Variants in IDO2 observed in about 807,000 individuals in gnomAD.
IDO2 encodes the protein indoleamine 2,3-dioxygenase-like 1 protein.
Under a neutral mutation model 45.1 loss-of-function variants are expected in IDO2, and 46 were observed. The ratio of observed to expected loss-of-function variants is 1.02; its 90% confidence interval spans 0.80 to 1.30. IDO2 has a LOEUF of 1.30. Ranked by LOEUF, IDO2 falls within the 50% of genes most tolerant of loss-of-function variation. IDO2 has a pLI of 0.00. For missense variants in IDO2, 544 were observed against 491.8 expected (o/e 1.11, Z -1.00); for synonymous variants, 218 against 184.9 (o/e 1.18, Z -1.45).
intron 8 of IDO2, chr8:39,995,141 A>C (rs5029660): frequency 0.56 from 82,559 of 147,656 alleles, 23,296 homozygotes; most frequent in South Asian, 0.59. Flanking sequence ...TATTCTTATT[A>C]TTCTTCTTCT....
intron 4 of IDO2, among the ~76,000 whole-genome samples, 189 bp from the exon 5 acceptor site, chr8:39,982,463 G>A (rs959387988): frequency 6.6e-6 from 1 of 152,070 alleles, no homozygotes; most frequent in African/African-American, 2.4e-5. Flanking sequence ...CTCATAAGCA[G>A]TATTTCCACT....
chr8:39,951,703 A>C (rs1178240660), intron 2 of IDO2, among the ~76,000 whole-genome samples: 2 of 152,190 alleles, frequency 1.3e-5, no homozygotes, highest in Non-Finnish European at 2.9e-5. Context: ...ACTCCACTCT[A>C]TACATCTAAC....
chr8:40,015,222 C>A, intron 10 of IDO2, 25 bp from the exon 11 acceptor site: 2 of 1,296,398 alleles, frequency 1.5e-6, no homozygotes, highest in Non-Finnish European at 1.1e-6. Context: ...GGAGCTATGA[C>A]GTTATGCTGT....
chr8:40,011,965 CAG>C (rs1177669186), intron 9 of IDO2, among the ~76,000 whole-genome samples: 1 of 152,196 alleles, frequency 6.6e-6, no homozygotes, highest in Non-Finnish European at 1.5e-5. Flanking sequence ...CATCTCTTTT[CAG>C]AGTGATGTTG....
rs186588041 is a variant in IDO2 at position 39,964,941 on chromosome 8, A to G, written c.195+1238A>G. Among the ~76,000 whole-genome samples, 537 of 152,352 alleles carry G rather than the reference A, an allele frequency of 3.5e-3. 2 individuals are homozygous for G. Among genetic ancestry groups the G allele is most frequent in the Non-Finnish European group, 4.7e-3 (320 of 68,028 alleles). ...AGATCCCCATGAGTCCCCTTTTCCC[A>G]TCTCAGAATAGCAGAGAAGAGAAGC... On this transcript the variant is annotated intron_variant, in intron 3 of 10. Transcript: ENST00000502986.
chr8:39,956,904 G>A (rs1051951533), intron 2 of IDO2, among the ~76,000 whole-genome samples: 10 of 151,666 alleles, frequency 6.6e-5, no homozygotes, highest in Admixed American at 6.6e-5. Flanking sequence ...TCAGCCGGAC[G>A]TGGTGGTATA....
chr8:39,949,262 C>T (rs1177723478), exon 2 of IDO2: 1 of 1,584,604 alleles, frequency 6.3e-7, no homozygotes, highest in Non-Finnish European at 8.6e-7. Context: ...TCCAGATTCT[C>T]TGGTAAGGAT....
intron 1 of IDO2, among the ~76,000 whole-genome samples, chr8:39,938,550 A>G (rs66694577): frequency 0.23 from 33,305 of 144,346 alleles, 3,780 homozygotes; most frequent in African/African-American, 0.29. Context: ...TTTATATATA[A>G]CACCAAAGGC....
intron 2 of IDO2, 44 bp from the exon 3 acceptor site, chr8:39,963,564 C>A (rs1362864532): frequency 8.3e-7 from 1 of 1,206,668 alleles, no homozygotes; most frequent in Non-Finnish European, 1.2e-6. Flanking sequence ...AAGCCCCTTT[C>A]CAGAGAGGTC....
At chr8:40,015,310 T>A in exon 11 of IDO2, 1 of 1,613,808 alleles carries the variant, frequency 6.2e-7, no homozygotes, top group Non-Finnish European at 8.5e-7. Flanking sequence ...ATAGAAGACA[T>A]CCACTCAGCA....
chr8:39,944,071 A>G (rs1202172372), intron 1 of IDO2, among the ~76,000 whole-genome samples: 4 of 147,934 alleles, frequency 2.7e-5, no homozygotes, highest in African/African-American at 1.0e-4. Flanking sequence ...GCATTAGTTA[A>G]TCTGGGAGCT....
intron 3 of IDO2, among the ~76,000 whole-genome samples, chr8:39,965,436 G>A (rs570051624): frequency 6.6e-6 from 1 of 152,258 alleles, no homozygotes; most frequent in South Asian, 2.1e-4. Context: ...GCAGTTAGCT[G>A]AGATCACACC....
intron 9 of IDO2, among the ~76,000 whole-genome samples, chr8:40,010,745 A>G (rs1158025415): frequency 6.6e-6 from 1 of 152,180 alleles, no homozygotes; most frequent in African/African-American, 2.4e-5. Context: ...AATGAGGAAG[A>G]CTATAGGAGG....
chr8:39,973,172 G>A (rs1364786972), intron 3 of IDO2, among the ~76,000 whole-genome samples: 7 of 152,154 alleles, frequency 4.6e-5, no homozygotes, highest in African/African-American at 1.7e-4. Flanking sequence ...GGGAAAGCTA[G>A]AATTAATAAG....
At chr8:39,982,122 T>G (rs1229679255) in intron 4 of IDO2, among the ~76,000 whole-genome samples, 1 of 152,046 alleles carries the variant, frequency 6.6e-6, no homozygotes, top group Non-Finnish European at 1.5e-5. Flanking sequence ...TATGAGTCGG[T>G]CAATCAATAA....
At chr8:39,959,111 AT>A (rs36099242) in intron 2 of IDO2, among the ~76,000 whole-genome samples, 25,173 of 141,520 alleles carry the variant, frequency 0.18, 2,044 homozygotes, top group East Asian at 0.26. Context: ...TAATCTGTAG[AT>A]TTTTTTTTTT....
In IDO2 at chr8:39,961,320, C is replaced by CTTTTTTTT. The variant is rs57577433; in HGVS notation, c.100-2276_100-2269dup. On this transcript the variant is annotated intron_variant, in intron 2 of 10. Coordinates refer to ENST00000502986, the Ensembl canonical transcript of IDO2. ...AGTTATGCTTTCAAATTGTATACTT[C>CTTTTTTTT]TTTTTTTTTTTTTTTTTTTGAAATG... 1.3e-3 allele frequency among the ~76,000 whole-genome samples: 136 copies of CTTTTTTTT among 106,106 alleles called. 1 individual carries two copies. The highest frequency in any genetic ancestry group is 3.7e-3 in the East Asian group (12 of 3,274). 69.6% of individuals were successfully genotyped at this position (106,106 alleles called of 152,430 possible). A position where few individuals can be genotyped will look rare whatever the true frequency, so the allele number is the denominator to read the frequency against.
At chr8:40,012,349 A>T (rs1436549014) in intron 9 of IDO2, among the ~76,000 whole-genome samples, 2 of 152,216 alleles carry the variant, frequency 1.3e-5, no homozygotes, top group Admixed American at 6.5e-5. Flanking sequence ...AAAAATGAAG[A>T]TAGAAAATTG....
At chr8:39,935,424 GGTTGTTGTTGTT>G (rs72187471) in intron 1 of IDO2, among the ~76,000 whole-genome samples, 4,593 of 149,930 alleles carry the variant, frequency 0.031, 123 homozygotes, top group Non-Finnish European at 0.051. Flanking sequence ...TTACTTTTCT[GGTTGTTGTTGTT>G]GTTGTTGTTG....
Sources: allele counts gnomAD v4.1 joint callset (sites outside exome capture counted in the v4.1 genomes callset), GRCh38; gene constraint gnomAD v4.1.1; transcripts MANE v1.5; gene names NCBI Gene and HGNC (gene_info 2026-07-23, HGNC 2026-07-21).